ZNF263: variants seen among roughly 807,000 people sequenced by gnomAD.
ZNF263 encodes zinc finger protein FPM315.
ZNF263 carries 49 observed loss-of-function variants against 63.1 expected under a neutral mutation model. The ratio of observed to expected loss-of-function variants is 0.78; its 90% CI spans 0.62 to 0.99. The LOEUF (loss-of-function observed/expected upper bound fraction) is 0.99. ZNF263 is among the 50% of genes least tolerant of loss of function. ZNF263 has a pLI of 0.00. For synonymous variants in ZNF263, 352 were observed against 324.2 expected, an observed-to-expected ratio of 1.09 and a Z score of -0.92; for missense variants, 872 against 854.8, an observed-to-expected ratio of 1.02 and a Z score of -0.25.
chr16:3,283,630 G>T lies in ZNF263; in HGVS notation c.-189G>T. 2 of 858,566 alleles carry T rather than the reference G, an allele frequency of 2.3e-6. No individual in the cohort carries two copies. Among genetic ancestry groups the T allele is most frequent in the Non-Finnish European group, 3.1e-6 (2 of 645,104 alleles). 53.2% of individuals were successfully genotyped at this position (858,566 alleles called of 1,614,324 possible). A position where few individuals can be genotyped will look rare whatever the true frequency, so the allele number is the denominator to read the frequency against. On this transcript the variant is annotated 5_prime_UTR_variant, in exon 1 of 6. Coordinates refer to ENST00000219069, the MANE Select transcript of ZNF263 (RefSeq NM_005741.5). The stretch of plus-strand genomic sequence containing the variant: ...GATGGGCCACGGGGCCGGCGTGGCG[G>T]CGCCTGGGACCGACTGAGGCCTAGG...
chr16:3,288,396 C>T, intron 4 of ZNF263, 58 bp from the exon 5 acceptor site: 1 of 1,296,888 alleles, frequency 7.7e-7, no homozygotes, highest in Non-Finnish European at 1.1e-6. Context: ...AAGACTGTTT[C>T]CCTACCCTGG....
At position 3,290,735 on chromosome 16, in the gene ZNF263, T is replaced by C; in HGVS notation, c.*177T>C. On this transcript the variant is annotated 3_prime_UTR_variant, in exon 6 of 6. Transcript: ENST00000219069. ...GGATTGGCATAAAACTGAAAAGGAGTTCTGTCTGCATGAGAAAGGATGGCA... is the reference window on the plus strand; with the variant it reads ...GGATTGGCATAAAACTGAAAAGGAGCTCTGTCTGCATGAGAAAGGATGGCA... 7.1e-7 allele frequency: 1 copy of C among 1,413,130 alleles called. No homozygotes were observed. Among genetic ancestry groups the C allele is most frequent in the South Asian group, 1.6e-5 (1 of 63,254 alleles). 87.5% of individuals were successfully genotyped at this position (1,413,130 alleles called of 1,614,324 possible).
downstream of ZNF263, among the ~76,000 whole-genome samples, chr16:3,295,524 C>T (rs1016619427): frequency 4.0e-4 from 56 of 140,794 alleles, no homozygotes; most frequent in Middle Eastern, 3.6e-3. Context: ...AAAACTCCCC[C>T]GTCGGCCCTC....
chr16:3,298,601 G>C (rs1959832997), intron 1 of ZNF263, among the ~76,000 whole-genome samples: 1 of 152,108 alleles, frequency 6.6e-6, no homozygotes, highest in South Asian at 2.1e-4. Context: ...AAAGCAGAGT[G>C]TGTTTTACCA....
chr16:3,284,044 A>C lies in ZNF263; in HGVS notation c.226A>C (p.Thr76Pro), dbSNP rs1959248707. Residue 76 changes from threonine (T) to proline (P), a missense_variant, in exon 1 of 6, where the codon ACG becomes CCG. Physicochemically the swap from Thr to Pro is conservative, Grantham distance 38. Coordinates refer to ENST00000219069, the MANE Select transcript of ZNF263 (RefSeq NM_005741.5). ...TGGGTGGCTTCGGCCTGAGATGCGC[A>C]CGAAGGAGCAGATCTTGGAGCTGCT... The part of the protein sequence containing the change: ...CHGWLRPEMR[T>P]KEQILELLVL... 6.2e-7 allele frequency: 1 copy of C among 1,613,672 alleles called. No individual in the cohort carries two copies.
intron 1 of ZNF263, chr16:3,298,970 G>A (rs1959848291): frequency 1.6e-6 from 2 of 1,235,996 alleles, no homozygotes; most frequent in East Asian, 5.6e-5. Context: ...AAAATCTAAT[G>A]ATTAGAACCA....
intron 4 of ZNF263, 181 bp downstream of exon 4, chr16:3,286,330 A>G: frequency 1.2e-6 from 1 of 859,104 alleles, no homozygotes; most frequent in East Asian, 3.4e-5. Flanking sequence ...CAGTTGGCAC[A>G]GGCAGCCCGG....
exon 3 of ZNF263, chr16:3,301,271 T>C (rs535940235): frequency 1.0e-4 from 17 of 167,190 alleles, no homozygotes; most frequent in African/African-American, 3.8e-4. Context: ...ACCCTGACAT[T>C]GGGATGTATG....
intron 4 of ZNF263, among the ~76,000 whole-genome samples, chr16:3,287,405 C>CTTTTTT (rs34751211): frequency 3.3e-4 from 32 of 97,864 alleles, no homozygotes; most frequent in African/African-American, 6.1e-4. Flanking sequence ...CACACCCGGC[C>CTTTTTT]TTTTTTTTTT....
At chr16:3,285,597 G>C (rs1959317916) in intron 2 of ZNF263, 84 bp from the exon 3 acceptor site, 2 of 1,377,434 alleles carry the variant, frequency 1.5e-6, no homozygotes, top group Non-Finnish European at 1.0e-6. Flanking sequence ...GCTGGGTGTT[G>C]GGGAATGGAT....
At chr16:3,291,868 C>T (rs1959620557), downstream of ZNF263, among the ~76,000 whole-genome samples, 1 of 152,122 alleles carries the variant, frequency 6.6e-6, no homozygotes, top group African/African-American at 2.4e-5. Flanking sequence ...AAGATGGTCC[C>T]AGTATAACTG....
chr16:3,295,854 G>A (rs1178345591), downstream of ZNF263, among the ~76,000 whole-genome samples: 2 of 152,126 alleles, frequency 1.3e-5, no homozygotes, highest in Admixed American at 1.3e-4. Context: ...GAGGTGGAGC[G>A]GTCAAGACTT....
intron 2 of ZNF263, chr16:3,300,676 C>G: frequency 8.2e-7 from 1 of 1,226,738 alleles, no homozygotes; most frequent in Middle Eastern, 2.6e-4. Context: ...AATGAATTGG[C>G]AAAAAAAAAA....
chr16:3,286,591 A>G (rs916366385), intron 4 of ZNF263: 1 of 153,328 alleles, frequency 6.5e-6, no homozygotes, highest in African/African-American at 2.4e-5. Flanking sequence ...GGGTAGTAGG[A>G]TCAACATTCC....
chr16:3,284,085 C>T lies in ZNF263; in HGVS notation c.267C>T (p.Phe89=), dbSNP rs750305452. The T allele has an allele frequency of 4.5e-5, 72 of 1,613,350 alleles. No individual in the cohort carries two copies. The Admixed American group carries it at 4.5e-4, about 10-fold the overall frequency. ...QILELLVLEQ[F]LTILPQEIQS... is the part of the protein sequence containing the mutation. The stretch of plus-strand genomic sequence containing the variant: ...TGGAGCTGCTGGTGTTAGAGCAGTT[C>T]CTGACCATCCTGCCCCAGGAGATCC... Residue 89 remains phenylalanine (F), a synonymous_variant, in exon 1 of 6, where the codon TTC becomes TTT. Transcript: ENST00000219069.
rs142708827 is a variant in ZNF263 at position 3,284,207 on chromosome 16, T to TGAGA, written c.387+14_387+17dup. On this transcript the variant is annotated splice_region_variant and intron_variant, in intron 1 of 5. Transcript: ENST00000219069. ...GAGCTTGGGAGACTGAGACAACAGGTGAGAGAGAGAGAGAGCTGTTTTATC... is the reference window on the plus strand; with the variant it reads ...GAGCTTGGGAGACTGAGACAACAGGTGAGAGAGAGAGAGAGAGAGCTGTTTTATC... The TGAGA allele has an allele frequency of 3.1e-5, 47 of 1,514,250 alleles. No homozygotes were observed. The highest frequency in any genetic ancestry group is 3.9e-5 in the Non-Finnish European group (44 of 1,127,638). The allele number at this position is 1,514,250 out of a possible 1,614,324, so 93.8% of individuals were successfully genotyped here. A position where few individuals can be genotyped will look rare whatever the true frequency, so the allele number is the denominator to read the frequency against.
intron 2 of ZNF263, chr16:3,299,481 ACT>A: frequency 6.4e-7 from 1 of 1,551,090 alleles, no homozygotes; most frequent in Non-Finnish European, 8.7e-7. Context: ...TAAAAATTGC[ACT>A]TTTTATATTG....
At chr16:3,285,404 C>T (rs1959309056) in intron 2 of ZNF263, among the ~76,000 whole-genome samples, 165 bp downstream of exon 2, 1 of 152,118 alleles carries the variant, frequency 6.6e-6, no homozygotes, top group Non-Finnish European at 1.5e-5. Flanking sequence ...TCTCCTGGGG[C>T]TGGGGGAAGG....
At chr16:3,300,275 A>G (rs553358260) in intron 2 of ZNF263, 1 of 1,614,178 alleles carries the variant, frequency 6.2e-7, no homozygotes, top group Admixed American at 1.7e-5. Context: ...GTTCGCCCAA[A>G]ACACCGTGCA....
Sources: allele counts gnomAD v4.1 joint callset (sites outside exome capture counted in the v4.1 genomes callset), GRCh38; gene constraint gnomAD v4.1.1; transcripts MANE v1.5; gene names NCBI Gene and HGNC (gene_info 2026-07-23, HGNC 2026-07-21).